Variants in SBF2 observed in about 807,000 individuals in gnomAD.
The protein encoded by SBF2 is SET binding factor 2, also known as myotubularin-related protein 13.
Under a neutral mutation model 225.2 loss-of-function variants are expected in SBF2, and 112 were observed. That is an observed-to-expected ratio of 0.50 (90% CI 0.43 to 0.58). SBF2 has a LOEUF of 0.58. SBF2 is among the 20% of genes least tolerant of loss of function. The pLI, the probability that SBF2 is intolerant of heterozygous loss-of-function variation, is 0.00. For missense variants in SBF2, 1,996 were observed against 2,206.2 expected (o/e 0.90, Z 1.91); for synonymous variants, 763 against 773.3 (o/e 0.99, Z 0.22).
At chr11:9,817,150 G>GT (rs1854499355) in intron 28 of SBF2, 126 bp from the exon 29 acceptor site, 1 of 974,672 alleles carries the variant, frequency 1.0e-6, no homozygotes, top group Non-Finnish European at 1.6e-6. Flanking sequence ...TCTAAAAACC[G>GT]TAAGTCATAT....
intron 16 of SBF2, among the ~76,000 whole-genome samples, chr11:9,928,415 T>C (rs977379568): frequency 6.6e-6 from 1 of 152,110 alleles, no homozygotes; most frequent in Non-Finnish European, 1.5e-5. Context: ...CACACACCTA[T>C]TAGGATGGCT....
intron 16 of SBF2, among the ~76,000 whole-genome samples, chr11:9,897,615 G>A (rs909997537): frequency 2.6e-5 from 4 of 152,156 alleles, no homozygotes; most frequent in Middle Eastern, 3.2e-3. Context: ...GGCTGCAAAA[G>A]CTGCAATTGA....
chr11:10,178,907 T>C (rs1376765027), intron 2 of SBF2, among the ~76,000 whole-genome samples: 1 of 147,446 alleles, frequency 6.8e-6, no homozygotes, highest in African/African-American at 2.5e-5. Context: ...ATGTTTATTG[T>C]GGCATTATTC....
chr11:9,914,197 A>C (rs1421894645), intron 16 of SBF2, among the ~76,000 whole-genome samples: 3 of 152,252 alleles, frequency 2.0e-5, no homozygotes, highest in Non-Finnish European at 4.4e-5. Context: ...GCTCCACTGG[A>C]TAAAGTAGAC....
At chr11:9,865,415 C>T (rs184046487) in intron 17 of SBF2, among the ~76,000 whole-genome samples, 52 of 152,000 alleles carry the variant, frequency 3.4e-4, no homozygotes, top group South Asian at 6.3e-4. Context: ...AAAAGCCGGG[C>T]GCAGTGGCTC....
At chr11:10,202,744 C>T (rs368158781) in intron 1 of SBF2, among the ~76,000 whole-genome samples, 3 of 152,130 alleles carry the variant, frequency 2.0e-5, no homozygotes, top group African/African-American at 4.8e-5. Context: ...GCTGAGATTG[C>T]GCCACTGCAC....
intron 16 of SBF2, among the ~76,000 whole-genome samples, chr11:9,924,736 T>C (rs1863901327): frequency 6.6e-6 from 1 of 151,852 alleles, no homozygotes; most frequent in Non-Finnish European, 1.5e-5. Flanking sequence ...CCAGTCGCAT[T>C]TTCTTATTTT....
At chr11:10,035,055 C>T (rs1949384490) in intron 3 of SBF2, among the ~76,000 whole-genome samples, 1 of 152,176 alleles carries the variant, frequency 6.6e-6, no homozygotes, top group African/African-American at 2.4e-5. Context: ...AGCTCCACCT[C>T]CTGGGTTCAT....
At chr11:9,818,643 C>A (rs773441468) in intron 28 of SBF2, among the ~76,000 whole-genome samples, 1 of 152,220 alleles carries the variant, frequency 6.6e-6, no homozygotes, top group Non-Finnish European at 1.5e-5. Context: ...ACATCTGCTT[C>A]TCTTTCTCTT....
chr11:9,993,222 C>A, intron 10 of SBF2, 119 bp from the exon 11 acceptor site: 1 of 702,138 alleles, frequency 1.4e-6, no homozygotes, highest in Admixed American at 2.3e-5. Context: ...TCCACCAAAA[C>A]AATTACAGTC....
intron 35 of SBF2, 168 bp from the exon 36 acceptor site, chr11:9,787,906 G>C: frequency 3.0e-6 from 2 of 666,752 alleles, no homozygotes; most frequent in Middle Eastern, 3.1e-4. Flanking sequence ...ATAGTGGTGA[G>C]AGCTCTAGTT....
Position 10,196,866 on chromosome 11 carries a change from A to ATATATATATATATTT in SBF2, c.56-2880_56-2879insAAATATATATATATA. On this transcript the variant is annotated intron_variant, in intron 1 of 39. Coordinates refer to ENST00000256190, the MANE Select transcript of SBF2 (RefSeq NM_030962.4). ...TATATATATATATATATATATATAT[A>ATATATATATATATTT]TTTTTTTTTTCCTACAAAATGAATA... is the stretch of plus-strand genomic sequence containing the variant. 2.5e-4 allele frequency among the ~76,000 whole-genome samples: 25 copies of ATATATATATATATTT among 99,296 alleles called. 1 individual carries two copies. Among genetic ancestry groups the ATATATATATATATTT allele is most frequent in the South Asian group, 3.5e-4 (1 of 2,862 alleles). The allele number at this position is 99,296 out of a possible 152,430, so 65.1% of individuals were successfully genotyped here. A position where few individuals can be genotyped will look rare whatever the true frequency, so the allele number is the denominator to read the frequency against.
At chr11:9,858,489 C>G (rs1857482184) in intron 17 of SBF2, 93 bp from the exon 18 acceptor site, 2 of 1,263,534 alleles carry the variant, frequency 1.6e-6, no homozygotes, top group African/African-American at 2.9e-5. Flanking sequence ...TAGATGAGAT[C>G]AAAGGATTTC....
intron 16 of SBF2, among the ~76,000 whole-genome samples, chr11:9,950,067 T>C (rs1427761544): frequency 1.3e-5 from 2 of 151,282 alleles, no homozygotes; most frequent in Non-Finnish European, 2.9e-5. Context: ...ATAAATAAAA[T>C]AAGGAAGGGA....
At position 10,278,590 on chromosome 11, in the gene SBF2, G is replaced by A. The variant is rs75857861; in HGVS notation, c.55+15425C>T. ...GAGGTCAGGAGTTTGAGATCAGTCC[G>A]GCCAACATGGTGAAACCCTGTCTCT... On this transcript the variant is annotated intron_variant, in intron 1 of 39. Transcript: ENST00000256190. Among the ~76,000 whole-genome samples the A allele has an allele frequency of 9.8e-3, 1,484 of 152,072 alleles. 17 individuals are homozygous for A. The highest frequency in any genetic ancestry group is 0.035 in the African/African-American group (1,433 of 41,482).
intron 24 of SBF2, 97 bp from the exon 25 acceptor site, chr11:9,842,867 C>G (rs1479563158): frequency 3.3e-6 from 4 of 1,226,584 alleles, no homozygotes; most frequent in Non-Finnish European, 4.7e-6. Flanking sequence ...TTCTCCTTTC[C>G]CACAGCCACT....
At chr11:9,989,681 C>CA (rs1292065291) in intron 12 of SBF2, 86 bp from the exon 13 acceptor site, 18 of 807,322 alleles carry the variant, frequency 2.2e-5, no homozygotes, top group Non-Finnish European at 3.3e-5. Flanking sequence ...ATTTGCAAGC[C>CA]AAAAAAATCC....
At chr11:9,821,466 C>G (rs1252557144) in intron 28 of SBF2, among the ~76,000 whole-genome samples, 2 of 152,142 alleles carry the variant, frequency 1.3e-5, no homozygotes, top group Non-Finnish European at 2.9e-5. Context: ...ATGGGGCCAG[C>G]AGGGAGCTTT....
chr11:10,037,895 T>G, intron 3 of SBF2, among the ~76,000 whole-genome samples: 1 of 152,066 alleles, frequency 6.6e-6, no homozygotes, highest in East Asian at 1.9e-4. Context: ...TTCCTTTTTA[T>G]TACTCCATTT....
Sources: gnomAD v4.1 joint callset for allele counts (sites outside exome capture counted in the v4.1 genomes callset) on GRCh38, gnomAD v4.1.1 for gene constraint, MANE v1.5 for transcripts, NCBI Gene and HGNC (gene_info 2026-07-23, HGNC 2026-07-21) for gene names.